Variants in PIP5K1B observed in about 807,000 individuals in gnomAD.
PIP5K1B encodes the protein phosphatidylinositol 4-phosphate 5-kinase type-1 beta.
Under a neutral mutation model 67.0 loss-of-function variants are expected in PIP5K1B, and 42 were observed. That is an observed-to-expected ratio of 0.63 (90% CI 0.49 to 0.81). The LOEUF (loss-of-function observed/expected upper bound fraction) is 0.81, where lower values mean the gene tolerates loss of function less well. Among genes scored for constraint, PIP5K1B ranks in the 30% least tolerant of loss-of-function variants. The pLI, the probability that PIP5K1B is intolerant of heterozygous loss-of-function variation, is 0.00. For synonymous variants in PIP5K1B, 214 were observed against 231.4 expected, an observed-to-expected ratio of 0.92 and a Z score of 0.68; for missense variants, 459 against 646.3, an observed-to-expected ratio of 0.71 and a Z score of 3.14.
intron 1 of PIP5K1B, among the ~76,000 whole-genome samples, chr9:68,724,130 C>T (rs907875976): frequency 2.0e-5 from 3 of 151,958 alleles, no homozygotes; most frequent in African/African-American, 7.3e-5. Context: ...AAGAAACTGT[C>T]CTTTCCCCAG....
chr9:68,711,833 C>T (rs767029911), intron 1 of PIP5K1B, among the ~76,000 whole-genome samples: 4 of 152,100 alleles, frequency 2.6e-5, no homozygotes, highest in Admixed American at 1.3e-4. Flanking sequence ...TTCTCAAATG[C>T]CCAGAGTGGC....
chr9:68,758,435 A>G (rs1830037016), intron 2 of PIP5K1B, among the ~76,000 whole-genome samples: 1 of 152,176 alleles, frequency 6.6e-6, no homozygotes, highest in South Asian at 2.1e-4. Context: ...ACCAAATTAA[A>G]ATTTTAGAAT....
intron 12 of PIP5K1B, among the ~76,000 whole-genome samples, chr9:68,931,466 CAT>C (rs1365693468): frequency 6.6e-6 from 1 of 152,134 alleles, no homozygotes; most frequent in Non-Finnish European, 1.5e-5. Flanking sequence ...GAGATTGAAA[CAT>C]GTGACAGATC....
At chr9:68,879,266 A>T (rs542910010) in intron 6 of PIP5K1B, among the ~76,000 whole-genome samples, 1 of 152,222 alleles carries the variant, frequency 6.6e-6, no homozygotes, top group Non-Finnish European at 1.5e-5. Flanking sequence ...TGGTCAAAGC[A>T]TACAAAATGT....
chr9:68,987,304 C>T (rs1192759858), intron 14 of PIP5K1B, among the ~76,000 whole-genome samples: 4 of 151,808 alleles, frequency 2.6e-5, no homozygotes, highest in African/African-American at 7.3e-5. Flanking sequence ...CGGCTTATGC[C>T]TATAATCCCA....
intron 2 of PIP5K1B, among the ~76,000 whole-genome samples, chr9:68,767,181 A>G (rs1051176609): frequency 2.0e-5 from 3 of 152,230 alleles, no homozygotes; most frequent in South Asian, 2.1e-4. Flanking sequence ...TTAAGATACC[A>G]AAATGATCTT....
chr9:68,863,762 A>C (rs1386627309), intron 4 of PIP5K1B, 75 bp from the exon 5 acceptor site: 1 of 1,279,464 alleles, frequency 7.8e-7, no homozygotes, highest in Non-Finnish European at 1.1e-6. Context: ...AACCTCACTC[A>C]TGTTTTGTTG....
rs111372172 is a variant in PIP5K1B at position 68,994,559 on chromosome 9, A to G, written c.1620+3302A>G. Among the ~76,000 whole-genome samples the G allele has an allele frequency of 5.7e-3, 866 of 152,286 alleles. 7 individuals are homozygous for G. Among genetic ancestry groups the G allele is most frequent in the African/African-American group, 0.019 (786 of 41,558 alleles). The stretch of plus-strand genomic sequence containing the variant: ...GTCTTCTTGATATATATAACACATC[A>G]TTTCATTTCTAGAAAGCTCCATCGT... On this transcript the variant is annotated intron_variant, in intron 15 of 15. Coordinates refer to ENST00000265382, the MANE Select transcript of PIP5K1B (RefSeq NM_003558.4).
chr9:68,818,353 A>G (rs1325947968), intron 2 of PIP5K1B, 108 bp from the exon 3 acceptor site: 3 of 152,096 alleles, frequency 2.0e-5, no homozygotes, highest in Admixed American at 6.5e-5. Flanking sequence ...CCTTTGTTTT[A>G]ATTTTAACTG....
chr9:68,772,913 T>G (rs2132427726), intron 2 of PIP5K1B, among the ~76,000 whole-genome samples: 1 of 152,300 alleles, frequency 6.6e-6, no homozygotes, highest in African/African-American at 2.4e-5. Context: ...ATAGGCCCTT[T>G]ACTGTTTGCA....
At chr9:68,849,710 T>A (rs1280118111) in intron 4 of PIP5K1B, among the ~76,000 whole-genome samples, 1 of 152,124 alleles carries the variant, frequency 6.6e-6, no homozygotes. Context: ...TATTTTTCAG[T>A]GTGTAGAGAA....
At chr9:68,750,054 T>C (rs184741371) in intron 2 of PIP5K1B, among the ~76,000 whole-genome samples, 1 of 152,248 alleles carries the variant, frequency 6.6e-6, no homozygotes, top group African/African-American at 2.4e-5. Flanking sequence ...ATTCAAATGA[T>C]GTAATATGTG....
At chr9:68,706,241 C>T (rs1256708986) in intron 1 of PIP5K1B, 1 of 152,332 alleles carries the variant, frequency 6.6e-6, no homozygotes, top group Non-Finnish European at 1.5e-5. Context: ...TGGTTCCAGT[C>T]TAAATGCAGC....
At chr9:68,808,306 GAT>G (rs1832978491) in intron 2 of PIP5K1B, among the ~76,000 whole-genome samples, 1 of 152,156 alleles carries the variant, frequency 6.6e-6, no homozygotes, top group Admixed American at 6.5e-5. Context: ...ACTGGGAAGA[GAT>G]AGAAAAGTAA....
chr9:68,867,198 T>A (rs1021130223), intron 5 of PIP5K1B, among the ~76,000 whole-genome samples: 5 of 152,132 alleles, frequency 3.3e-5, no homozygotes, highest in Non-Finnish European at 7.4e-5. Flanking sequence ...TTTTTTTTCT[T>A]GTTATTTTTA....
chr9:68,852,791 A>G (rs1487701572), intron 4 of PIP5K1B, among the ~76,000 whole-genome samples: 2 of 152,212 alleles, frequency 1.3e-5, no homozygotes, highest in African/African-American at 4.8e-5. Flanking sequence ...GGGATGCAGG[A>G]GCCAGGCTCT....
chr9:68,844,586 G>A (rs559030595), intron 4 of PIP5K1B, among the ~76,000 whole-genome samples: 3 of 150,810 alleles, frequency 2.0e-5, no homozygotes, highest in Non-Finnish European at 2.9e-5. Flanking sequence ...ATCCAATGGG[G>A]GAGATCCAGT....
At chr9:68,748,964 A>G (rs1054541217) in intron 2 of PIP5K1B, among the ~76,000 whole-genome samples, 4 of 152,160 alleles carry the variant, frequency 2.6e-5, no homozygotes, top group African/African-American at 9.7e-5. Flanking sequence ...TAAAGAAAAA[A>G]GAATGAGCTT....
intron 1 of PIP5K1B, among the ~76,000 whole-genome samples, chr9:68,738,319 C>T (rs886498870): frequency 3.3e-5 from 5 of 152,212 alleles, no homozygotes; most frequent in East Asian, 1.9e-4. Flanking sequence ...TATTTTTGGC[C>T]GTCTTGAATT....
Sources: allele counts gnomAD v4.1 joint callset (sites outside exome capture counted in the v4.1 genomes callset), GRCh38; gene constraint gnomAD v4.1.1; transcripts MANE v1.5; gene names NCBI Gene and HGNC (gene_info 2026-07-23, HGNC 2026-07-21).